The following DIAPH2 variants were observed in gnomAD, a reference collection of about 807,000 sequenced individuals.
DIAPH2 encodes diaphanous related formin 2, also known as protein diaphanous homolog 2.
A neutral mutation model predicts 92.7 loss-of-function variants in DIAPH2; 35 were observed. The observed-to-expected ratio is 0.38, with a 90% CI of 0.29 to 0.50. DIAPH2 has a LOEUF of 0.50. DIAPH2 is among the 20% of genes least tolerant of loss of function. The probability of loss-of-function intolerance (pLI) is 0.94; values close to 1 mark genes in which losing one functional copy is unlikely to be tolerated. For synonymous variants in DIAPH2, 301 were observed against 280.4 expected, an observed-to-expected ratio of 1.07 and a Z score of -0.73; for missense variants, 701 against 819.5, an observed-to-expected ratio of 0.86 and a Z score of 1.77.
chrX:97,036,782 T>C (rs1219044519), intron 17 of DIAPH2, among the ~76,000 whole-genome samples: 1 of 112,130 alleles, frequency 8.9e-6, no homozygotes, highest in African/African-American at 3.2e-5. Context: ...AGACTAATTC[T>C]TTGTGTGACT....
At chrX:97,558,312 T>TATATAAAGC (rs2071271117) in intron 26 of DIAPH2, among the ~76,000 whole-genome samples, 1 of 112,127 alleles carries the variant, frequency 8.9e-6, no homozygotes, top group Admixed American at 9.5e-5. Context: ...GCTTGCGAAC[T>TATATAAAGC]TTGAAGGATA....
At chrX:97,442,574 T>G (rs2147787720) in intron 26 of DIAPH2, 1 of 112,712 alleles carries the variant, frequency 8.9e-6, no homozygotes, top group African/African-American at 3.2e-5. Flanking sequence ...ATTTCTATAT[T>G]ATTAAGTATT....
chrX:97,113,610 G>A (rs922149442), intron 20 of DIAPH2, among the ~76,000 whole-genome samples: 2 of 112,185 alleles, frequency 1.8e-5, no homozygotes, highest in Non-Finnish European at 3.8e-5. Context: ...ATTCGAAGAA[G>A]AAAAATAATG....
At chrX:97,582,525 G>A (rs1436654218) in intron 26 of DIAPH2, among the ~76,000 whole-genome samples, 4 of 109,532 alleles carry the variant, frequency 3.7e-5, no homozygotes, top group African/African-American at 1.0e-4. Context: ...TGGCTTGTAG[G>A]GTTTCTGCCG....
intron 24 of DIAPH2, among the ~76,000 whole-genome samples, chrX:97,383,683 C>T (rs758576158): frequency 9.2e-6 from 1 of 108,560 alleles, no homozygotes; most frequent in East Asian, 2.8e-4. Flanking sequence ...TTGTCTCTCT[C>T]AAAAGTATAT....
chrX:97,378,999 A>G lies in DIAPH2; in HGVS notation c.3010-4910A>G, dbSNP rs2069527705. On this transcript the variant is annotated intron_variant, in intron 24 of 26. Transcript: ENST00000324765. ...AATTTTATGGTTATGTGACTCTACTATCATACAACTTCTGATACTGTAATG... is the reference window on the plus strand; with the variant it reads ...AATTTTATGGTTATGTGACTCTACTGTCATACAACTTCTGATACTGTAATG... 4.5e-5 allele frequency among the ~76,000 whole-genome samples: 5 copies of G among 111,939 alleles called. No homozygotes were observed. In the South Asian group the frequency reaches 1.9e-3, roughly 42 times the overall value.
chrX:97,160,991 G>C (rs1218772856), intron 22 of DIAPH2, among the ~76,000 whole-genome samples: 2 of 109,664 alleles, frequency 1.8e-5, no homozygotes, highest in South Asian at 3.9e-4. Context: ...TGAAGAGCAA[G>C]GGAAAAACTT....
At chrX:96,899,522 T>C (rs754561103) in intron 5 of DIAPH2, among the ~76,000 whole-genome samples, 35 of 111,342 alleles carry the variant, frequency 3.1e-4, no homozygotes, top group Non-Finnish European at 5.8e-4. Flanking sequence ...GATTTGGCTC[T>C]CTGTTCGTCT....
At chrX:97,159,739 T>G (rs2147436917) in intron 22 of DIAPH2, among the ~76,000 whole-genome samples, 1 of 112,270 alleles carries the variant, frequency 8.9e-6, no homozygotes, top group South Asian at 3.7e-4. Flanking sequence ...AATTAATTAT[T>G]TTTCCTAGTT....
At chrX:96,886,090 A>G (rs1028544575) in intron 5 of DIAPH2, among the ~76,000 whole-genome samples, 9 of 110,116 alleles carry the variant, frequency 8.2e-5, no homozygotes, top group Non-Finnish European at 1.5e-4. Flanking sequence ...CTTATCCAGA[A>G]TTTTTTCTTT....
At chrX:97,207,070 C>A (rs778122943) in intron 22 of DIAPH2, among the ~76,000 whole-genome samples, 34 of 111,058 alleles carry the variant, frequency 3.1e-4, no homozygotes, top group Non-Finnish European at 5.7e-4. Flanking sequence ...ATGAATTGAA[C>A]CTACTGTTAT....
intron 4 of DIAPH2, among the ~76,000 whole-genome samples, chrX:96,787,705 T>G (rs1421200933): frequency 2.2e-5 from 2 of 92,573 alleles, no homozygotes; most frequent in Non-Finnish European, 4.3e-5. Context: ...TTTTTTTTTT[T>G]TTTGAGACAG....
At chrX:96,815,007 C>T (rs1602532107) in intron 4 of DIAPH2, among the ~76,000 whole-genome samples, 1 of 112,418 alleles carries the variant, frequency 8.9e-6, no homozygotes, top group African/African-American at 3.2e-5. Flanking sequence ...CTTGAGGAGG[C>T]AGTCTGTCTG....
At chrX:97,053,705 A>G (rs2066536722) in intron 17 of DIAPH2, among the ~76,000 whole-genome samples, 1 of 111,656 alleles carries the variant, frequency 9.0e-6, no homozygotes, top group South Asian at 3.8e-4. Context: ...CTTTCACACA[A>G]TTCTTCCCTT....
Position 96,749,143 on chromosome X carries a change from A to T in DIAPH2, c.343-9011A>T, listed in dbSNP as rs377457289. On this transcript the variant is annotated intron_variant, in intron 3 of 26. Coordinates refer to ENST00000324765, the MANE Select transcript of DIAPH2 (RefSeq NM_006729.5). ...TACCCCATCAGAAAAAAAAAAAAAA[A>T]AAATATATATATATATATATATATG... 8.1e-3 allele frequency among the ~76,000 whole-genome samples: 622 copies of T among 76,882 alleles called. 4 individuals carry two copies. Among genetic ancestry groups the T allele is most frequent in the African/African-American group, 0.025 (434 of 17,285 alleles). The allele number at this position is 76,882 out of a possible 115,157, so 66.8% of individuals were successfully genotyped here. A position where few individuals can be genotyped will look rare whatever the true frequency, so the allele number is the denominator to read the frequency against.
chrX:97,453,718 A>G (rs1336935652), intron 26 of DIAPH2, among the ~76,000 whole-genome samples: 1 of 111,932 alleles, frequency 8.9e-6, no homozygotes, highest in Admixed American at 9.5e-5. Flanking sequence ...TAGGATGATA[A>G]GGATAATATT....
chrX:97,120,614 GTTTTTTTTTTTT>G (rs139009030), intron 21 of DIAPH2, among the ~76,000 whole-genome samples: 2 of 75,827 alleles, frequency 2.6e-5, no homozygotes, highest in South Asian at 1.3e-3. Flanking sequence ...TTTTTTGTGG[GTTTTTTTTTTTT>G]TTTTTTTTTT....
At chrX:96,981,808 A>C (rs1181690883) in intron 17 of DIAPH2, among the ~76,000 whole-genome samples, 2 of 110,413 alleles carry the variant, frequency 1.8e-5, no homozygotes, top group Non-Finnish European at 3.8e-5. Flanking sequence ...ATCACTCTGT[A>C]GTATAACTGT....
chrX:97,133,393 T>C (rs2067150997), intron 21 of DIAPH2, among the ~76,000 whole-genome samples: 1 of 111,616 alleles, frequency 9.0e-6, no homozygotes, highest in African/African-American at 3.3e-5. Context: ...GTTCAAGTGA[T>C]TCTCCTGCCT....
Sources: allele counts gnomAD v4.1 joint callset (sites outside exome capture counted in the v4.1 genomes callset), GRCh38; gene constraint gnomAD v4.1.1; transcripts MANE v1.5; gene names NCBI Gene and HGNC (gene_info 2026-07-23, HGNC 2026-07-21).